The following GHR variants were observed in gnomAD, a reference collection of about 807,000 sequenced individuals.
GHR encodes the protein GH receptor.
A neutral mutation model predicts 67.1 loss-of-function variants in GHR; 35 were observed. The ratio of observed to expected loss-of-function variants is 0.52; its 90% CI spans 0.40 to 0.69. The LOEUF (loss-of-function observed/expected upper bound fraction) is 0.69. GHR is among the 30% of genes least tolerant of loss of function. The probability of loss-of-function intolerance (pLI) is 0.00; values close to 1 mark genes in which losing one functional copy is unlikely to be tolerated. For missense variants in GHR, 792 were observed against 764.6 expected (o/e 1.04, Z -0.42); for synonymous variants, 272 against 269.1 (o/e 1.01, Z -0.10).
intron 1 of GHR, among the ~76,000 whole-genome samples, chr5:42,533,840 C>T (rs1213156170): frequency 6.8e-6 from 1 of 147,008 alleles, no homozygotes. Context: ...TCCCACCCTT[C>T]CCCCAAAGTC....
intron 6 of GHR, among the ~76,000 whole-genome samples, chr5:42,702,459 T>C (rs59184964): frequency 0.22 from 33,229 of 151,978 alleles, 4,635 homozygotes; most frequent in Admixed American, 0.35. Context: ...TAATGGAACA[T>C]AGGTCGATTC....
At chr5:42,427,413 G>A in intron 1 of GHR, among the ~76,000 whole-genome samples, 1 of 152,260 alleles carries the variant, frequency 6.6e-6, no homozygotes, top group East Asian at 1.9e-4. Flanking sequence ...GATCTCATTA[G>A]ACTTATTCAC....
chr5:42,521,492 T>TA, intron 1 of GHR, among the ~76,000 whole-genome samples: 1 of 152,352 alleles, frequency 6.6e-6, no homozygotes, highest in Admixed American at 6.5e-5. Context: ...CTTTCAGATA[T>TA]AATTTAGAAT....
intron 8 of GHR, among the ~76,000 whole-genome samples, chr5:42,715,801 A>G (rs1290563052): frequency 6.6e-6 from 1 of 152,240 alleles, no homozygotes; most frequent in Non-Finnish European, 1.5e-5. Flanking sequence ...TGAAAGATGT[A>G]GTGAAACTAA....
intron 1 of GHR, chr5:42,465,640 C>G: frequency 1.1e-6 from 1 of 951,122 alleles, no homozygotes. Context: ...TGACAATTCC[C>G]CAGTTGTGAG....
intron 3 of GHR, among the ~76,000 whole-genome samples, chr5:42,678,520 G>A (rs748001411): frequency 9.2e-5 from 14 of 152,188 alleles, no homozygotes; most frequent in East Asian, 1.9e-4. Flanking sequence ...ATAAAAAAAC[G>A]TTAAATGATG....
intron 2 of GHR, among the ~76,000 whole-genome samples, chr5:42,608,137 T>C (rs1752716673): frequency 6.6e-6 from 1 of 152,218 alleles, no homozygotes; most frequent in Non-Finnish European, 1.5e-5. Context: ...GAATGAAAAG[T>C]AGAGCCTTAT....
At chr5:42,617,404 A>G (rs1407221226) in intron 2 of GHR, among the ~76,000 whole-genome samples, 6 of 151,906 alleles carry the variant, frequency 3.9e-5, no homozygotes, top group South Asian at 2.1e-4. Flanking sequence ...ACACACACAC[A>G]CACACACACA....
chr5:42,577,400 C>T (rs191951523), intron 2 of GHR, among the ~76,000 whole-genome samples: 157 of 152,214 alleles, frequency 1.0e-3, no homozygotes, highest in African/African-American at 3.5e-3. Context: ...ATGGGTTACT[C>T]CATTATATCT....
chr5:42,475,937 G>A (rs894925488), intron 1 of GHR, among the ~76,000 whole-genome samples: 13 of 105,820 alleles, frequency 1.2e-4, no homozygotes, highest in South Asian at 5.3e-4. Flanking sequence ...ACGGAGTCTC[G>A]CTCTGTCACC....
chr5:42,445,746 A>G (rs894593845), intron 1 of GHR, among the ~76,000 whole-genome samples: 9 of 152,242 alleles, frequency 5.9e-5, no homozygotes, highest in Non-Finnish European at 1.0e-4. Flanking sequence ...ATTCTGCTGA[A>G]TAAGGAAGTT....
chr5:42,488,808 T>C (rs957308044), intron 1 of GHR, among the ~76,000 whole-genome samples: 2 of 152,216 alleles, frequency 1.3e-5, no homozygotes, highest in African/African-American at 2.4e-5. Flanking sequence ...ACAGCTAACA[T>C]ATGGGTAGTG....
chr5:42,538,624 A>T (rs1748367684), intron 1 of GHR, among the ~76,000 whole-genome samples: 1 of 152,110 alleles, frequency 6.6e-6, no homozygotes, highest in South Asian at 2.1e-4. Context: ...CTTTTGTCTT[A>T]ACTTTAGATA....
intron 3 of GHR, among the ~76,000 whole-genome samples, chr5:42,675,885 A>T (rs1484501350): frequency 6.6e-6 from 1 of 152,236 alleles, no homozygotes; most frequent in Non-Finnish European, 1.5e-5. Context: ...TCTTATGGTA[A>T]CTGGAAATGT....
At chr5:42,428,453 T>C (rs1007064220) in intron 1 of GHR, among the ~76,000 whole-genome samples, 1 of 152,220 alleles carries the variant, frequency 6.6e-6, no homozygotes, top group African/African-American at 2.4e-5. Flanking sequence ...GGAGACATTT[T>C]CCCTATTGTC....
At chr5:42,496,933 C>T (rs1746345266) in intron 1 of GHR, among the ~76,000 whole-genome samples, 1 of 152,130 alleles carries the variant, frequency 6.6e-6, no homozygotes, top group African/African-American at 2.4e-5. Context: ...AAGAGGAACA[C>T]TTTGCATGTG....
chr5:42,615,511 G>A (rs1336394263), intron 2 of GHR, among the ~76,000 whole-genome samples: 1 of 151,984 alleles, frequency 6.6e-6, no homozygotes, highest in Non-Finnish European at 1.5e-5. Context: ...CACTATAAAT[G>A]TATTGACAAA....
At chr5:42,467,865 T>A in intron 1 of GHR, 1 of 904,278 alleles carries the variant, frequency 1.1e-6, no homozygotes, top group Admixed American at 2.3e-5. Flanking sequence ...AGGCTGTATT[T>A]TCCCACAGAT....
At chr5:42,656,154 C>T (rs1330171992) in intron 3 of GHR, among the ~76,000 whole-genome samples, 4 of 152,106 alleles carry the variant, frequency 2.6e-5, no homozygotes, top group Non-Finnish European at 4.4e-5. Context: ...CCCCTCTGAA[C>T]GGTAACACTC....
Sources: allele counts gnomAD v4.1 joint callset (sites outside exome capture counted in the v4.1 genomes callset), GRCh38; gene constraint gnomAD v4.1.1; transcripts MANE v1.5; gene names NCBI Gene and HGNC (gene_info 2026-07-23, HGNC 2026-07-21).